TMED8: variants seen among roughly 807,000 people sequenced by gnomAD.
The protein encoded by TMED8 is protein TMED8.
A neutral mutation model predicts 32.7 loss-of-function variants in TMED8; 15 were observed. That is an observed-to-expected ratio of 0.46 (90% CI 0.31 to 0.71). TMED8 has a LOEUF of 0.71. Ranked by LOEUF, TMED8 falls within the 30% of genes least tolerant of loss-of-function variation. TMED8 has a pLI of 0.06. For missense variants in TMED8, 390 were observed against 423.9 expected, an observed-to-expected ratio of 0.92 and a Z score of 0.70; for synonymous variants, 147 against 161.4, an observed-to-expected ratio of 0.91 and a Z score of 0.68.
chr14:77,346,136 G>A (rs1326416135), intron 3 of TMED8, among the ~76,000 whole-genome samples: 1 of 152,138 alleles, frequency 6.6e-6, no homozygotes, highest in Non-Finnish European at 1.5e-5. Flanking sequence ...TTCTGAATCG[G>A]TGCCTACTGG....
chr14:77,366,853 A>G (rs1165184436), intron 1 of TMED8, among the ~76,000 whole-genome samples: 3 of 152,206 alleles, frequency 2.0e-5, no homozygotes, highest in African/African-American at 4.8e-5. Flanking sequence ...ATGATGCCCA[A>G]GATGACCAGC....
At chr14:77,343,911 C>T (rs1892971252) in intron 3 of TMED8, 88 bp from the exon 4 acceptor site, 8 of 1,397,620 alleles carry the variant, frequency 5.7e-6, no homozygotes, top group Non-Finnish European at 7.8e-6. Context: ...CACCCCTGCT[C>T]TATTATCTCC....
intron 1 of TMED8, among the ~76,000 whole-genome samples, chr14:77,358,646 G>A (rs141909361): frequency 1.5e-3 from 233 of 152,026 alleles, no homozygotes; most frequent in African/African-American, 5.0e-3. Context: ...TGTATTTTTC[G>A]GTCTTGTTGT....
intron 3 of TMED8, among the ~76,000 whole-genome samples, chr14:77,345,683 A>T (rs1770839326): frequency 7.2e-6 from 1 of 138,560 alleles, no homozygotes; most frequent in Non-Finnish European, 1.5e-5. Flanking sequence ...AAAAAAAAAA[A>T]TCAAGGCCAG....
In TMED8 at chr14:77,335,491, A is replaced by C. The variant is rs182960472; in HGVS notation, c.*6280T>G. 7 of 152,392 alleles carry C rather than the reference A, an allele frequency of 4.6e-5. 1 individual carries two copies. Among genetic ancestry groups the C allele is most frequent in the Admixed American group, 4.6e-4 (7 of 15,302 alleles). 9.4% of individuals were successfully genotyped at this position (152,392 alleles called of 1,614,324 possible). A position where few individuals can be genotyped will look rare whatever the true frequency, so the allele number is the denominator to read the frequency against. On this transcript the variant is annotated 3_prime_UTR_variant, in exon 6 of 6. Coordinates refer to ENST00000216468, the MANE Select transcript of TMED8 (RefSeq NM_213601.3). ...ATGTCTTTGTAGTTGCCAATTGCTT[A>C]AATCTTTACGAAGAAAACATGATCA...
intron 1 of TMED8, among the ~76,000 whole-genome samples, chr14:77,356,779 A>C (rs969921334): frequency 2.6e-5 from 4 of 152,194 alleles, no homozygotes; most frequent in Non-Finnish European, 5.9e-5. Flanking sequence ...CACACACTAA[A>C]TTTACCTTAT....
chr14:77,341,569 C>A lies in TMED8; in HGVS notation c.*202G>T, dbSNP rs1892899066. ...CAAGAAGGGTATGAGTCAGGGACTA[C>A]AGAACAGGGGCACTACACCACCACC... On this transcript the variant is annotated 3_prime_UTR_variant, in exon 6 of 6. Coordinates refer to ENST00000216468, the MANE Select transcript of TMED8 (RefSeq NM_213601.3). 5 of 599,976 alleles carry A rather than the reference C, an allele frequency of 8.3e-6. No individual in the cohort carries two copies. Among genetic ancestry groups the A allele is most frequent in the Middle Eastern group, 4.4e-4 (1 of 2,270 alleles). 37.2% of individuals were successfully genotyped at this position (599,976 alleles called of 1,614,324 possible). A position where few individuals can be genotyped will look rare whatever the true frequency, so the allele number is the denominator to read the frequency against.
rs762104938 is a variant in TMED8 at position 77,341,745 on chromosome 14, C to T, written c.*26G>A. Reference sequence around the variant, plus strand: ...GGCAGCCTGCTTCAGCCAGCAAATACAGCCTGCCCCTGTCCCAGCAGTCCT... The same window carrying T: ...GGCAGCCTGCTTCAGCCAGCAAATATAGCCTGCCCCTGTCCCAGCAGTCCT... On this transcript the variant is annotated 3_prime_UTR_variant, in exon 6 of 6. Coordinates refer to ENST00000216468, the MANE Select transcript of TMED8 (RefSeq NM_213601.3). The T allele has an allele frequency of 1.6e-5, 25 of 1,612,160 alleles. No homozygotes were observed. Among genetic ancestry groups the T allele is most frequent in the Non-Finnish European group, 2.0e-5 (24 of 1,178,462 alleles).
At chr14:77,372,146 C>T (rs1893690369) in intron 1 of TMED8, among the ~76,000 whole-genome samples, 1 of 152,098 alleles carries the variant, frequency 6.6e-6, no homozygotes, top group Non-Finnish European at 1.5e-5. Context: ...GGAAGCTTAA[C>T]AATAACTTAA....
In TMED8 at chr14:77,343,501, T is replaced by C. The variant is rs753390994; in HGVS notation, c.455-18A>G. 7 of 1,610,616 alleles carry C rather than the reference T, an allele frequency of 4.3e-6. No individual in the cohort carries two copies. The South Asian group carries it at 7.7e-5, about 18-fold the overall frequency. On this transcript the variant is annotated intron_variant, in intron 4 of 5. Coordinates refer to ENST00000216468, the MANE Select transcript of TMED8 (RefSeq NM_213601.3). ...TGGGGAGACTGAAAGGACAAGCAGC[T>C]TAGCACTGAGAAACCATGAGGAAAC... is the stretch of plus-strand genomic sequence containing the variant.
At position 77,343,225 on chromosome 14, in the gene TMED8, G is replaced by T; in HGVS notation, c.713C>A (p.Ser238Tyr). The T allele has an allele frequency of 1.2e-6, 2 of 1,614,054 alleles. No individual in the cohort carries two copies. Among genetic ancestry groups the T allele is most frequent in the Non-Finnish European group, 1.7e-6 (2 of 1,180,012 alleles). Residue 238 changes from serine to tyrosine, a missense_variant, in exon 5 of 6, where the codon TCC (serine) becomes TAC (tyrosine). By Grantham distance (144) the Ser-to-Tyr change is moderately radical (BLOSUM62 -2). Transcript: ENST00000216468. ...STDITVQVSD[S>Y]SDDEDEEEEE... ...CTCTTCTTCATCCTCATCGTCACTG[G>T]AATCACTGACCTGCACAGTTATGTC...
At position 77,341,907 on chromosome 14, in the gene TMED8, C is replaced by T. The variant is rs369679613; in HGVS notation, c.842G>A (p.Arg281Gln). 2.2e-5 allele frequency: 35 copies of T among 1,613,970 alleles called. No individual in the cohort carries two copies. Among genetic ancestry groups the T allele is most frequent in the Admixed American group, 8.3e-5 (5 of 60,008 alleles). Reference sequence around the variant, plus strand: ...CTGCACGTCTCGGTGGCTGTCCCGCCGGTACACAGGCATGACCTCCCCATA... The same window carrying T: ...CTGCACGTCTCGGTGGCTGTCCCGCTGGTACACAGGCATGACCTCCCCATA... Reference protein sequence around the residue: ...GRYGEVMPVYRRDSHRDVQAG... With the variant: ...GRYGEVMPVYQRDSHRDVQAG... The change falls in exon 6 of 6, where the codon CGG becomes CAG. Residue 281 changes from arginine (R) to glutamine (Q), a missense_variant. Transcript: ENST00000216468.
In TMED8 at chr14:77,343,583, C is replaced by T. The variant is rs1233574588; in HGVS notation, c.455-100G>A. ...CTGGCACAGTCAGACATTCTTTCTA[C>T]TGGCTTGACTTCCTTTCACAAGTCA... On this transcript the variant is annotated intron_variant, in intron 4 of 5. Coordinates refer to ENST00000216468, the MANE Select transcript of TMED8 (RefSeq NM_213601.3). 5.1e-6 allele frequency: 8 copies of T among 1,576,828 alleles called. No homozygotes were observed. In the East Asian group the frequency reaches 1.8e-4, roughly 35 times the overall value.
At chr14:77,366,106 T>C (rs1243609864) in intron 1 of TMED8, among the ~76,000 whole-genome samples, 1 of 152,222 alleles carries the variant, frequency 6.6e-6, no homozygotes, top group Non-Finnish European at 1.5e-5. Context: ...TTCTGGATTA[T>C]ACTCTTTCCC....
At chr14:77,343,114 C>G (rs1413446687) in intron 5 of TMED8, 64 bp downstream of exon 5, 4 of 1,537,342 alleles carry the variant, frequency 2.6e-6, no homozygotes, top group Non-Finnish European at 3.5e-6. Context: ...GTACAACCCA[C>G]AAAATGGTCA....
intron 2 of TMED8, among the ~76,000 whole-genome samples, chr14:77,346,923 CT>C (rs1893062381): frequency 1.3e-5 from 2 of 152,040 alleles, no homozygotes; most frequent in South Asian, 4.2e-4. Context: ...CCCTCACATA[CT>C]CCTTTTTGTG....
chr14:77,368,057 TTGA>T (rs1893597324), intron 1 of TMED8, among the ~76,000 whole-genome samples: 1 of 152,210 alleles, frequency 6.6e-6, no homozygotes, highest in South Asian at 2.1e-4. Flanking sequence ...CTATCTATTG[TTGA>T]TGATACTTAG....
chr14:77,372,906 T>TTTTTATATATATATA (rs1227686477), intron 1 of TMED8, among the ~76,000 whole-genome samples: 1 of 35,332 alleles, frequency 2.8e-5, no homozygotes, highest in Non-Finnish European at 5.1e-5. Flanking sequence ...GCCACAGATA[T>TTTTTATATATATATA]TATATATATA....
rs1027420234 is a variant in TMED8 at position 77,340,923 on chromosome 14, A to G, written c.*848T>C. The G allele has an allele frequency of 8.1e-6, 1 of 124,060 alleles. No individual in the cohort carries two copies. Among genetic ancestry groups the G allele is most frequent in the Non-Finnish European group, 1.8e-5 (1 of 55,144 alleles). The allele number at this position is 124,060 out of a possible 1,614,324, so 7.7% of individuals were successfully genotyped here. A position where few individuals can be genotyped will look rare whatever the true frequency, so the allele number is the denominator to read the frequency against. ...GTCAGATGATACCATTCCTTCTTTGATTATACCAAAAAAAAAAAAAAAAGT... is the reference window on the plus strand; with the variant it reads ...GTCAGATGATACCATTCCTTCTTTGGTTATACCAAAAAAAAAAAAAAAAGT... On this transcript the variant is annotated 3_prime_UTR_variant, in exon 6 of 6. Transcript: ENST00000216468.
Sources: allele counts gnomAD v4.1 joint callset (sites outside exome capture counted in the v4.1 genomes callset), GRCh38; gene constraint gnomAD v4.1.1; transcripts MANE v1.5; gene names NCBI Gene and HGNC (gene_info 2026-07-23, HGNC 2026-07-21).